SH3BGRL2: variants seen among roughly 807,000 people sequenced by gnomAD.
The protein encoded by SH3BGRL2 is SH3 domain binding glutamate rich protein like 2, also known as SH3 domain-binding glutamic acid-rich-like protein 2.
A neutral mutation model predicts 14.8 loss-of-function variants in SH3BGRL2; 21 were observed. The observed-to-expected ratio is 1.42, with a 90% CI of 1.01 to 2.05. The LOEUF is 2.05. Among genes scored for constraint, SH3BGRL2 ranks in the 30% most tolerant of loss-of-function variants. The pLI is 0.00. For missense variants in SH3BGRL2, 147 were observed against 130.8 expected, an observed-to-expected ratio of 1.12 and a Z score of -0.61; for synonymous variants, 50 against 47.8, an observed-to-expected ratio of 1.05 and a Z score of -0.19.
chr6:79,564,319 A>T, the SH3BGRL2 span, among the ~76,000 whole-genome samples: 1 of 152,220 alleles, frequency 6.6e-6, no homozygotes, highest in Admixed American at 6.5e-5. Flanking sequence ...AAAGACAATG[A>T]CTTTATGCCT....
At chr6:79,541,033 A>C in the SH3BGRL2 span, among the ~76,000 whole-genome samples, 1 of 152,128 alleles carries the variant, frequency 6.6e-6, no homozygotes, top group Non-Finnish European at 1.5e-5. Flanking sequence ...TGGGCAGATC[A>C]CTTGAGGTGA....
intron 2 of SH3BGRL2, among the ~76,000 whole-genome samples, chr6:79,695,898 A>G (rs890751389): frequency 1.3e-5 from 2 of 152,254 alleles, no homozygotes; most frequent in Non-Finnish European, 2.9e-5. Context: ...AGGAAGAGAA[A>G]AATGATTCTA....
chr6:79,675,333 C>T (rs941642905), intron 2 of SH3BGRL2, among the ~76,000 whole-genome samples: 3 of 152,144 alleles, frequency 2.0e-5, no homozygotes, highest in East Asian at 3.8e-4. Flanking sequence ...ATTGAGATGT[C>T]TAATGCCATT....
At chr6:79,582,296 A>C in the SH3BGRL2 span, among the ~76,000 whole-genome samples, 2 of 152,220 alleles carry the variant, frequency 1.3e-5, no homozygotes, top group Non-Finnish European at 2.9e-5. Flanking sequence ...TTTAAAGTTC[A>C]TATGGAACCA....
At chr6:79,623,301 CA>C in the SH3BGRL2 span, among the ~76,000 whole-genome samples, 72,317 of 141,514 alleles carry the variant, frequency 0.51, 18,417 homozygotes, top group East Asian at 0.9. Flanking sequence ...GACTCTGCCT[CA>C]AAAAAAAAAA....
upstream of SH3BGRL2, among the ~76,000 whole-genome samples, chr6:79,628,195 C>A (rs1256340924): frequency 6.6e-6 from 1 of 151,966 alleles, no homozygotes; most frequent in Non-Finnish European, 1.5e-5. Context: ...ATTATCATAT[C>A]AAAATTTTAA....
intron 1 of SH3BGRL2, among the ~76,000 whole-genome samples, chr6:79,643,501 C>G (rs1476310848): frequency 6.6e-6 from 1 of 152,194 alleles, no homozygotes; most frequent in Non-Finnish European, 1.5e-5. Context: ...ATAGCAATGG[C>G]TTTGCTTCTT....
chr6:79,679,134 A>G (rs185273744), intron 2 of SH3BGRL2, among the ~76,000 whole-genome samples: 1 of 152,152 alleles, frequency 6.6e-6, no homozygotes, highest in Non-Finnish European at 1.5e-5. Context: ...GGGTATATAC[A>G]CAGTAATGGG....
the SH3BGRL2 span, among the ~76,000 whole-genome samples, chr6:79,624,072 T>C: frequency 1.3e-5 from 2 of 152,204 alleles, no homozygotes; most frequent in South Asian, 4.1e-4. Context: ...ACTTTATGTT[T>C]ATTATAACAT....
chr6:79,579,724 T>C, the SH3BGRL2 span, among the ~76,000 whole-genome samples: 1 of 152,280 alleles, frequency 6.6e-6, no homozygotes, highest in South Asian at 2.1e-4. Flanking sequence ...ATCGATGCTA[T>C]GAAGAAACCA....
At chr6:79,616,742 G>T in the SH3BGRL2 span, among the ~76,000 whole-genome samples, 1 of 152,122 alleles carries the variant, frequency 6.6e-6, no homozygotes, top group Non-Finnish European at 1.5e-5. Context: ...TTCCATTCAG[G>T]GGTAGGACAA....
At chr6:79,691,497 C>A in intron 2 of SH3BGRL2, among the ~76,000 whole-genome samples, 1 of 103,280 alleles carries the variant, frequency 9.7e-6, no homozygotes, top group Non-Finnish European at 1.8e-5. Flanking sequence ...TAATGCTATC[C>A]CTCCCCCCTC....
chr6:79,665,212 A>T (rs1327538108), intron 1 of SH3BGRL2, among the ~76,000 whole-genome samples: 1 of 152,210 alleles, frequency 6.6e-6, no homozygotes, highest in Non-Finnish European at 1.5e-5. Flanking sequence ...AATAAATAAA[A>T]AAATAAAAAT....
chr6:79,568,453 G>C, the SH3BGRL2 span, among the ~76,000 whole-genome samples: 19,599 of 152,030 alleles, frequency 0.13, 1,409 homozygotes, highest in African/African-American at 0.16. Flanking sequence ...CAGACATAAT[G>C]CTGATGAAAA....
At chr6:79,566,265 C>G in the SH3BGRL2 span, among the ~76,000 whole-genome samples, 42 of 152,310 alleles carry the variant, frequency 2.8e-4, no homozygotes, top group Admixed American at 5.9e-4. Flanking sequence ...TGGCTTATTA[C>G]TGGTACTTAA....
In SH3BGRL2 at chr6:79,700,790, A is replaced by G. The variant is rs1770439597; in HGVS notation, c.*1281A>G. The G allele has an allele frequency of 6.6e-6, 1 of 152,144 alleles. No homozygotes were observed. The highest frequency in any genetic ancestry group is 2.1e-4 in the South Asian group (1 of 4,830). 9.4% of individuals were successfully genotyped at this position (152,144 alleles called of 1,614,324 possible). ...ATTTTTCTGCATTCTTGTCCCTATA[A>G]CAGGGATGCTTAATTTTTTTTTTAA... On this transcript the variant is annotated 3_prime_UTR_variant, in exon 4 of 4. Transcript: ENST00000369838.
intron 1 of SH3BGRL2, among the ~76,000 whole-genome samples, chr6:79,633,361 G>T (rs938815663): frequency 1.3e-5 from 2 of 152,124 alleles, no homozygotes; most frequent in Non-Finnish European, 2.9e-5. Flanking sequence ...AGTAAATATG[G>T]ATGAATCCTT....
intron 1 of SH3BGRL2, 99 bp from the exon 2 acceptor site, chr6:79,673,514 CT>C: frequency 8.0e-7 from 1 of 1,247,168 alleles, no homozygotes; most frequent in Non-Finnish European, 1.1e-6. Flanking sequence ...TAAATCACCT[CT>C]TTTTTTGTAT....
chr6:79,651,708 G>A (rs1472904871), intron 1 of SH3BGRL2, among the ~76,000 whole-genome samples: 1 of 152,126 alleles, frequency 6.6e-6, no homozygotes, highest in East Asian at 1.9e-4. Context: ...CTCCAGAGAG[G>A]TTGATGGTTG....
Sources: gnomAD v4.1 joint callset for allele counts (sites outside exome capture counted in the v4.1 genomes callset) on GRCh38, gnomAD v4.1.1 for gene constraint, MANE v1.5 for transcripts, NCBI Gene and HGNC (gene_info 2026-07-23, HGNC 2026-07-21) for gene names.